The following TTC28 variants were observed in gnomAD, a reference collection of about 807,000 sequenced individuals.
The protein encoded by TTC28 is tetratricopeptide repeat protein 28.
Under a neutral mutation model 198.0 loss-of-function variants are expected in TTC28, and 61 were observed. The ratio of observed to expected loss-of-function variants is 0.31; its 90% confidence interval spans 0.25 to 0.38. The LOEUF (loss-of-function observed/expected upper bound fraction) is 0.38, where lower values mean the gene tolerates loss of function less well. TTC28 is among the 10% of genes least tolerant of loss of function. The pLI is 1.00. For missense variants in TTC28, 2,678 were observed against 3,164.0 expected (o/e 0.85, Z 3.69); for synonymous variants, 1,171 against 1,297.8 (o/e 0.90, Z 2.10).
intron 5 of TTC28, among the ~76,000 whole-genome samples, chr22:28,174,924 G>A (rs1383521886): frequency 6.6e-6 from 1 of 151,448 alleles, no homozygotes; most frequent in Non-Finnish European, 1.5e-5. Context: ...ATTCATTCTT[G>A]CATTCAAGAA....
intron 5 of TTC28, among the ~76,000 whole-genome samples, chr22:28,164,940 G>C (rs527314766): frequency 6.6e-6 from 1 of 152,258 alleles, no homozygotes; most frequent in Admixed American, 6.5e-5. Context: ...AAAAAAACTA[G>C]ACAAATGGCT....
At chr22:28,368,292 A>C (rs1250804879) in intron 2 of TTC28, among the ~76,000 whole-genome samples, 1 of 152,142 alleles carries the variant, frequency 6.6e-6, no homozygotes, top group Non-Finnish European at 1.5e-5. Flanking sequence ...GAAGGCCAAA[A>C]TACATATGAT....
At chr22:28,098,330 T>C (rs759543905) in intron 10 of TTC28, among the ~76,000 whole-genome samples, 1 of 152,152 alleles carries the variant, frequency 6.6e-6, no homozygotes, top group Non-Finnish European at 1.5e-5. Flanking sequence ...CACACGCTAG[T>C]GGTGAGAGGG....
At chr22:28,548,674 G>A (rs1255945675) in intron 2 of TTC28, among the ~76,000 whole-genome samples, 1 of 152,202 alleles carries the variant, frequency 6.6e-6, no homozygotes, top group Non-Finnish European at 1.5e-5. Context: ...GTTTGGTGGT[G>A]AATGGTAAAA....
At chr22:28,349,686 G>C (rs2045963341) in intron 2 of TTC28, among the ~76,000 whole-genome samples, 1 of 152,172 alleles carries the variant, frequency 6.6e-6, no homozygotes, top group South Asian at 2.1e-4. Context: ...TGTGTCACTA[G>C]TTACTGTGAT....
chr22:28,449,210 T>C (rs1048818384), intron 2 of TTC28, among the ~76,000 whole-genome samples: 4 of 152,166 alleles, frequency 2.6e-5, no homozygotes, highest in African/African-American at 9.7e-5. Context: ...TAACTGAGAA[T>C]GGTTTCACAG....
chr22:28,122,468 G>T (rs1193641887), intron 6 of TTC28, among the ~76,000 whole-genome samples: 3 of 152,082 alleles, frequency 2.0e-5, no homozygotes, highest in African/African-American at 2.4e-5. Flanking sequence ...TAAAAATACA[G>T]AAAAAATCCC....
chr22:28,347,096 C>G (rs1172445275), intron 2 of TTC28, among the ~76,000 whole-genome samples: 1 of 151,718 alleles, frequency 6.6e-6, no homozygotes, highest in Non-Finnish European at 1.5e-5. Flanking sequence ...AATCCCATCT[C>G]CCCCAAAAAA....
At chr22:28,019,675 A>G (rs1938514279) in intron 13 of TTC28, among the ~76,000 whole-genome samples, 1 of 152,222 alleles carries the variant, frequency 6.6e-6, no homozygotes, top group South Asian at 2.1e-4. Context: ...ACGGCCACAG[A>G]GGGCCGGGGG....
At chr22:28,676,269 T>C (rs948257448) in intron 1 of TTC28, among the ~76,000 whole-genome samples, 3 of 152,164 alleles carry the variant, frequency 2.0e-5, no homozygotes, top group Non-Finnish European at 4.4e-5. Context: ...AAAGACCATA[T>C]GTAGTAAGAT....
At chr22:28,441,100 A>C (rs961767718) in intron 2 of TTC28, among the ~76,000 whole-genome samples, 1 of 152,206 alleles carries the variant, frequency 6.6e-6, no homozygotes, top group African/African-American at 2.4e-5. Context: ...GAATCCTAAC[A>C]CTTGAAACAG....
At chr22:28,223,265 C>T (rs2147208056) in intron 5 of TTC28, among the ~76,000 whole-genome samples, 1 of 152,300 alleles carries the variant, frequency 6.6e-6, no homozygotes, top group East Asian at 1.9e-4. Context: ...AGGCTCCTTC[C>T]TTTCAGAGAA....
chr22:28,140,148 C>T (rs1200054305), intron 6 of TTC28, among the ~76,000 whole-genome samples: 1 of 152,130 alleles, frequency 6.6e-6, no homozygotes, highest in Non-Finnish European at 1.5e-5. Flanking sequence ...GTTGTGAGGA[C>T]AAACCGAAGT....
At chr22:27,992,542 A>G (rs1415125745) in intron 19 of TTC28, 45 bp downstream of exon 19, 2 of 1,540,756 alleles carry the variant, frequency 1.3e-6, no homozygotes, top group African/African-American at 1.4e-5. Context: ...TTTCCAAATC[A>G]GCATGGGCCT....
chr22:28,018,244 AGTGTGTGT>A (rs138612299), intron 13 of TTC28, among the ~76,000 whole-genome samples: 11 of 114,904 alleles, frequency 9.6e-5, no homozygotes, highest in South Asian at 3.1e-4. Context: ...GCTGCTATTC[AGTGTGTGT>A]GTGTGTGTGT....
chr22:28,020,147 G>T (rs973485695), intron 13 of TTC28, among the ~76,000 whole-genome samples: 2 of 152,222 alleles, frequency 1.3e-5, no homozygotes, highest in African/African-American at 4.8e-5. Flanking sequence ...GTGATGGTGG[G>T]TGGCCCCTCC....
chr22:28,675,649 G>T (rs1712447511), intron 1 of TTC28, among the ~76,000 whole-genome samples: 1 of 151,126 alleles, frequency 6.6e-6, no homozygotes, highest in Non-Finnish European at 1.5e-5. Flanking sequence ...CAGGTGGGAG[G>T]ATCAACTGAG....
chr22:28,632,426 A>T (rs148572537), intron 1 of TTC28, among the ~76,000 whole-genome samples: 43 of 151,786 alleles, frequency 2.8e-4, no homozygotes, highest in African/African-American at 9.7e-4. Context: ...ACAGGCATGC[A>T]CCAATATTCA....
rs190001684 is a variant in TTC28 at position 28,326,205 on chromosome 22, A to G, written c.382-19562T>C. Among the ~76,000 whole-genome samples, 136 of 152,304 alleles carry G rather than the reference A, an allele frequency of 8.9e-4. 1 individual carries two copies. Among genetic ancestry groups the G allele is most frequent in the Middle Eastern group, 3.4e-3 (1 of 294 alleles). On this transcript the variant is annotated intron_variant, in intron 2 of 22. Transcript: ENST00000397906. ...AATATGGGTGAAACTCAAAGGGATT[A>G]TGCTGAGTAAAAGAAGTCAGTCTAC...
Sources: gnomAD v4.1 joint callset for allele counts (sites outside exome capture counted in the v4.1 genomes callset) on GRCh38, gnomAD v4.1.1 for gene constraint, MANE v1.5 for transcripts, NCBI Gene and HGNC (gene_info 2026-07-23, HGNC 2026-07-21) for gene names.